The following ZNF667 variants were observed in gnomAD, a reference collection of about 807,000 sequenced individuals.
ZNF667 encodes myocardial ischemic preconditioning upregulated 1 ortholog.
ZNF667 carries 13 observed loss-of-function variants against 31.8 expected under a neutral mutation model. The ratio of observed to expected loss-of-function variants is 0.41; its 90% CI spans 0.27 to 0.65. The LOEUF (loss-of-function observed/expected upper bound fraction) is 0.65, where lower values mean the gene tolerates loss of function less well. ZNF667 is among the 30% of genes least tolerant of loss of function. The pLI is 0.32. For synonymous variants in ZNF667, 228 were observed against 247.1 expected (o/e 0.92, Z 0.73); for missense variants, 642 against 725.6 (o/e 0.88, Z 1.32).
intron 6 of ZNF667, chr19:56,449,192 T>C (rs1233818040): frequency 2.8e-6 from 1 of 362,016 alleles, no homozygotes; most frequent in Admixed American, 3.4e-5. Context: ...CTGGAAGGAC[T>C]AGTACAAACA....
rs2043306806 is a variant in ZNF667, at chr19:56,472,193, G to A, written c.-548-6C>T. On this transcript the variant is annotated splice_polypyrimidine_tract_variant and splice_region_variant and intron_variant, in intron 2 of 6. Coordinates refer to ENST00000504904, the MANE Select transcript of ZNF667 (RefSeq NM_001321356.2). Reference sequence around the variant, plus strand: ...CTTCAAGGAACTCGGCACTACTGGGGAAGAAAGAACAGCAGTTTGATATTA... The same window carrying A: ...CTTCAAGGAACTCGGCACTACTGGGAAAGAAAGAACAGCAGTTTGATATTA... 6.6e-6 allele frequency: 1 copy of A among 152,204 alleles called. No homozygotes were observed. The highest frequency in any genetic ancestry group is 2.4e-5 in the African/African-American group (1 of 41,432). 9.4% of individuals were successfully genotyped at this position (152,204 alleles called of 1,614,324 possible). A position where few individuals can be genotyped will look rare whatever the true frequency, so the allele number is the denominator to read the frequency against.
intron 1 of ZNF667, 197 bp from the exon 2 acceptor site, chr19:56,474,321 T>C (rs2043355592): frequency 6.6e-6 from 1 of 152,296 alleles, no homozygotes. Flanking sequence ...CATTGCCTCC[T>C]TTGGGCCAGT....
chr19:56,477,819 G>A (rs943720368), upstream of ZNF667: 4 of 152,384 alleles, frequency 2.6e-5, no homozygotes, highest in Admixed American at 6.5e-5. Flanking sequence ...CTCACCCGCG[G>A]AGGCGGACAC....
chr19:56,457,749 G>T (rs138344895), intron 6 of ZNF667, among the ~76,000 whole-genome samples: 1 of 152,254 alleles, frequency 6.6e-6, no homozygotes, highest in East Asian at 1.9e-4. Context: ...CAGAACACCT[G>T]CCTCTATGCT....
chr19:56,456,335 T>G (rs2042931135), intron 6 of ZNF667, among the ~76,000 whole-genome samples: 1 of 152,168 alleles, frequency 6.6e-6, no homozygotes, highest in South Asian at 2.1e-4. Flanking sequence ...CAAAGGGAAA[T>G]GGGGCAGACT....
At chr19:56,446,554 T>G (rs1218887071) in intron 6 of ZNF667, among the ~76,000 whole-genome samples, 1 of 152,234 alleles carries the variant, frequency 6.6e-6, no homozygotes, top group Non-Finnish European at 1.5e-5. Context: ...ACACATAGTA[T>G]ATGACCTGTT....
chr19:56,462,476 C>T, intron 3 of ZNF667, 47 bp from the exon 4 acceptor site: 1 of 1,222,118 alleles, frequency 8.2e-7, no homozygotes, highest in Non-Finnish European at 1.2e-6. Flanking sequence ...GTCCACAGGC[C>T]CCTACCTAAC....
intron 6 of ZNF667, among the ~76,000 whole-genome samples, chr19:56,452,485 C>T: frequency 6.6e-6 from 1 of 152,210 alleles, no homozygotes. Context: ...TAAACGCCTA[C>T]ACCAAAAAAG....
At chr19:56,462,548 G>C (rs994026824) in intron 3 of ZNF667, 119 bp from the exon 4 acceptor site, 7 of 671,666 alleles carry the variant, frequency 1.0e-5, no homozygotes, top group Non-Finnish European at 1.9e-5. Context: ...CACACACACA[G>C]ATGTCAGAAC....
chr19:56,469,843 G>C (rs906417735), intron 3 of ZNF667: 1 of 437,232 alleles, frequency 2.3e-6, no homozygotes, highest in African/African-American at 2.0e-5. Flanking sequence ...TTTGCTAACT[G>C]AATGACTGAA....
chr19:56,471,403 C>T (rs948760429), intron 3 of ZNF667, among the ~76,000 whole-genome samples: 1 of 152,190 alleles, frequency 6.6e-6, no homozygotes, highest in African/African-American at 2.4e-5. Flanking sequence ...GAACTGATGT[C>T]ACCTGGCATG....
intron 1 of ZNF667, among the ~76,000 whole-genome samples, chr19:56,476,067 C>T (rs117164835): frequency 6.6e-6 from 1 of 152,266 alleles, no homozygotes; most frequent in East Asian, 1.9e-4. Context: ...CTTATGCTCA[C>T]CATAAACCTG....
chr19:56,463,529 C>T (rs951493948), intron 3 of ZNF667, among the ~76,000 whole-genome samples: 1 of 151,984 alleles, frequency 6.6e-6, no homozygotes, highest in African/African-American at 2.4e-5. Flanking sequence ...TCATTTTCTT[C>T]CCTTTTTTTT....
chr19:56,444,201 G>A, intron 6 of ZNF667: 1 of 398,480 alleles, frequency 2.5e-6, no homozygotes, highest in Non-Finnish European at 4.4e-6. Context: ...AACAAAAGAG[G>A]TTCAATTGGC....
intron 3 of ZNF667, chr19:56,470,152 GGATGA>G: frequency 2.4e-6 from 1 of 408,444 alleles, no homozygotes; most frequent in Non-Finnish European, 5.0e-6. Context: ...GGCTGCTGGA[GGATGA>G]GATGAGATCA....
At chr19:56,453,059 A>G (rs189343340) in intron 6 of ZNF667, among the ~76,000 whole-genome samples, 2 of 152,346 alleles carry the variant, frequency 1.3e-5, no homozygotes, top group African/African-American at 4.8e-5. Flanking sequence ...CTGATACTAC[A>G]GATACTCAAA....
rs760367829 is a variant in ZNF667 at position 56,441,890 on chromosome 19, G to A, written c.1105C>T (p.Arg369Trp). The part of the protein sequence containing the change: ...KCDKCDKFFR[R>W]LSTLILHLRI... ...AGATGCAGAATAAGGGTTGAAAGCC[G>A]CCTGAAGAACTTGTCACATTTATCA... Residue 369 changes from arginine (R) to tryptophan (W), a missense_variant, in exon 7 of 7, where the codon CGG becomes TGG. Coordinates refer to ENST00000504904, the MANE Select transcript of ZNF667 (RefSeq NM_001321356.2). This position sits in a 1 kb window ranked among gnomAD's most constrained non-coding sequence, Gnocchi z 4.2. 8.7e-6 allele frequency: 14 copies of A among 1,614,032 alleles called. No homozygotes were observed. The highest frequency in any genetic ancestry group is 1.6e-4 in the Middle Eastern group (1 of 6,084).
intron 5 of ZNF667, among the ~76,000 whole-genome samples, chr19:56,459,543 G>A (rs1038025087): frequency 1.3e-5 from 2 of 152,138 alleles, no homozygotes; most frequent in African/African-American, 4.8e-5. Context: ...TCCCAGATCC[G>A]AGGGGACCTT....
chr19:56,475,185 C>CT (rs1408580977), intron 1 of ZNF667: 1 of 152,164 alleles, frequency 6.6e-6, no homozygotes, highest in East Asian at 1.9e-4. Context: ...CTATTATAGA[C>CT]TTTATTTTTG....
Sources: allele counts gnomAD v4.1 joint callset (sites outside exome capture counted in the v4.1 genomes callset), GRCh38; gene constraint gnomAD v4.1.1; non-coding constraint Gnocchi (gnomAD v3.1); transcripts MANE v1.5; gene names NCBI Gene and HGNC (gene_info 2026-07-23, HGNC 2026-07-21).